RUFY1: variants seen among roughly 807,000 people sequenced by gnomAD.
RUFY1 encodes the protein RUN and FYVE domain containing 1, also known as RUN and FYVE domain-containing protein 1.
In RUFY1, 54 loss-of-function variants were observed where a neutral mutation model predicts 94.6. That is an observed-to-expected ratio of 0.57 (90% CI 0.46 to 0.72). The LOEUF (loss-of-function observed/expected upper bound fraction) is 0.72. Among genes scored for constraint, RUFY1 ranks in the 30% least tolerant of loss-of-function variants. The pLI is 0.00. For missense variants in RUFY1, 883 were observed against 883.9 expected (o/e 1.00, Z 0.01); for synonymous variants, 396 against 347.3 (o/e 1.14, Z -1.56).
At chr5:179,562,418 T>TA in intron 2 of RUFY1, 129 bp from the exon 3 acceptor site, 1 of 671,294 alleles carries the variant, frequency 1.5e-6, no homozygotes, top group Non-Finnish European at 2.7e-6. Flanking sequence ...AAAAGATTTT[T>TA]AAAAAAGGAT....
chr5:179,608,069 T>C (rs956441329), intron 17 of RUFY1, among the ~76,000 whole-genome samples: 3 of 152,164 alleles, frequency 2.0e-5, no homozygotes, highest in Non-Finnish European at 4.4e-5. Flanking sequence ...TCACTAGTGA[T>C]CTAGGCAGCG....
chr5:179,582,816 C>G (rs1487434669), intron 7 of RUFY1, among the ~76,000 whole-genome samples: 1 of 151,988 alleles, frequency 6.6e-6, no homozygotes, highest in Non-Finnish European at 1.5e-5. Flanking sequence ...GCACTCCAGC[C>G]TGGGCAACAA....
intron 3 of RUFY1, among the ~76,000 whole-genome samples, chr5:179,564,684 AG>A (rs11337942): frequency 0.15 from 22,383 of 149,926 alleles, 1,726 homozygotes; most frequent in South Asian, 0.23. Flanking sequence ...AAAAAAAAAA[AG>A]AAAAAAAAAT....
At position 179,567,349 on chromosome 5, in the gene RUFY1, C is replaced by T. The variant is rs1330908621; in HGVS notation, c.603-112C>T. 1.8e-5 allele frequency: 14 copies of T among 764,908 alleles called. No individual in the cohort carries two copies. In the East Asian group the frequency reaches 2.7e-4, roughly 15 times the overall value. The allele number at this position is 764,908 out of a possible 1,614,324, so 47.4% of individuals were successfully genotyped here. A position where few individuals can be genotyped will look rare whatever the true frequency, so the allele number is the denominator to read the frequency against. On this transcript the variant is annotated intron_variant, in intron 3 of 17. Transcript: ENST00000319449. ...CCCCAAACAGCCATTCTTAGAGTATCGTCTGCATTTACAAGGGTGTGTTTC... is the reference window on the plus strand; with the variant it reads ...CCCCAAACAGCCATTCTTAGAGTATTGTCTGCATTTACAAGGGTGTGTTTC...
intron 17 of RUFY1, among the ~76,000 whole-genome samples, chr5:179,609,012 G>T (rs541397021): frequency 6.6e-6 from 1 of 151,464 alleles, no homozygotes; most frequent in Non-Finnish European, 1.5e-5. Context: ...GAGGTCAGGA[G>T]ATCGAGACCA....
chr5:179,580,207 G>A (rs1014422317), intron 6 of RUFY1, among the ~76,000 whole-genome samples: 4 of 26,248 alleles, frequency 1.5e-4, no homozygotes, highest in African/African-American at 2.7e-4. Flanking sequence ...AAAAAATTCC[G>A]TGTGTGTGTG....
chr5:179,608,405 C>G, intron 17 of RUFY1: 3 of 985,554 alleles, frequency 3.0e-6, no homozygotes, highest in Non-Finnish European at 3.6e-6. Context: ...CCTTTGAGAT[C>G]ACATGTGTCT....
At position 179,607,145 on chromosome 5, in the gene RUFY1, T is replaced by A. The variant is rs111560987; in HGVS notation, c.1906-437T>A. 746 of 204,706 alleles carry A rather than the reference T, an allele frequency of 3.6e-3. 3 individuals are homozygous for A. The highest frequency in any genetic ancestry group is 0.017 in the African/African-American group (723 of 43,106). 12.7% of individuals were successfully genotyped at this position (204,706 alleles called of 1,614,324 possible). On this transcript the variant is annotated intron_variant, in intron 16 of 17. Coordinates refer to ENST00000319449, the MANE Select transcript of RUFY1 (RefSeq NM_025158.5). ...TTCTGTCTCTCCACAAGGATCAGCG[T>A]CAACAAGTGTCTTAGTCTCACTCAG...
chr5:179,560,555 TA>T (rs35636829), intron 2 of RUFY1, among the ~76,000 whole-genome samples: 128 of 143,710 alleles, frequency 8.9e-4, no homozygotes, highest in South Asian at 8.8e-4. Context: ...CGGTCTCTAC[TA>T]AAAAAAAAAA....
At chr5:179,606,668 C>G (rs1369118205) in intron 16 of RUFY1, 1 of 152,600 alleles carries the variant, frequency 6.6e-6, no homozygotes, top group Non-Finnish European at 1.5e-5. Context: ...GGGGCAGCAA[C>G]TAACAGCAGC....
At chr5:179,577,767 C>CG (rs1763761316) in intron 6 of RUFY1, among the ~76,000 whole-genome samples, 1 of 145,206 alleles carries the variant, frequency 6.9e-6, no homozygotes, top group African/African-American at 2.6e-5. Flanking sequence ...GGTGGTCGGG[C>CG]GGCGGAGGCG....
At chr5:179,606,167 C>G (rs757678957) in intron 16 of RUFY1, 3 of 567,514 alleles carry the variant, frequency 5.3e-6, no homozygotes, top group Non-Finnish European at 9.3e-6. Context: ...GCTGTGCTTT[C>G]AAAATAGGCC....
chr5:179,579,469 T>A (rs1011487556), intron 6 of RUFY1, among the ~76,000 whole-genome samples: 2 of 151,768 alleles, frequency 1.3e-5, no homozygotes, highest in African/African-American at 4.8e-5. Flanking sequence ...TAGCTGAGAT[T>A]ACAGGCGCCC....
chr5:179,608,946 G>A (rs556776551), intron 17 of RUFY1, among the ~76,000 whole-genome samples: 5 of 149,174 alleles, frequency 3.4e-5, no homozygotes, highest in East Asian at 2.0e-4. Context: ...AGCCGGGCGC[G>A]GTGTTTCACG....
chr5:179,583,784 C>T (rs1022800388), intron 7 of RUFY1, among the ~76,000 whole-genome samples: 33 of 151,008 alleles, frequency 2.2e-4, no homozygotes, highest in African/African-American at 8.0e-4. Flanking sequence ...GAGTCCTGCT[C>T]TGTCGCCCAG....
intron 15 of RUFY1, among the ~76,000 whole-genome samples, chr5:179,605,002 AAG>A (rs1199305709): frequency 6.7e-6 from 1 of 148,810 alleles, no homozygotes; most frequent in Admixed American, 6.7e-5. Context: ...AAAAGAAAAA[AAG>A]AAAAAGGCTC....
At chr5:179,590,700 A>T (rs893553582) in intron 9 of RUFY1, among the ~76,000 whole-genome samples, 11 of 150,980 alleles carry the variant, frequency 7.3e-5, no homozygotes, top group African/African-American at 2.4e-4. Context: ...TGTTGGCCAG[A>T]TGGTCTCGAT....
chr5:179,606,059 C>G, intron 16 of RUFY1, 135 bp downstream of exon 16: 2 of 656,964 alleles, frequency 3.0e-6, no homozygotes, highest in Admixed American at 5.4e-5. Context: ...GACAGAGAAG[C>G]CAAACGCTGC....
rs146243815 is a variant in RUFY1, at chr5:179,590,521, G to A, written c.1128+874G>A. Among the ~76,000 whole-genome samples, 70 of 151,458 alleles carry A rather than the reference G, an allele frequency of 4.6e-4. No homozygotes were observed. The East Asian group carries it at 0.013, about 27-fold the overall frequency. ...TTGTTTCTAGACAGAGTCTCCCTCTGTCGCCCAGGCTGGAGTGCAGTGGCG... is the reference window on the plus strand; with the variant it reads ...TTGTTTCTAGACAGAGTCTCCCTCTATCGCCCAGGCTGGAGTGCAGTGGCG... On this transcript the variant is annotated intron_variant, in intron 9 of 17. Transcript: ENST00000319449.
Sources: gnomAD v4.1 joint callset for allele counts (sites outside exome capture counted in the v4.1 genomes callset) on GRCh38, gnomAD v4.1.1 for gene constraint, MANE v1.5 for transcripts, NCBI Gene and HGNC (gene_info 2026-07-23, HGNC 2026-07-21) for gene names.